The following NRXN3 variants were observed in gnomAD, a reference collection of about 807,000 sequenced individuals.
NRXN3 encodes the protein neurexin III.
In NRXN3, 32 loss-of-function variants were observed where a neutral mutation model predicts 137.6. The ratio of observed to expected loss-of-function variants is 0.23; its 90% confidence interval spans 0.18 to 0.31. The LOEUF is 0.31. NRXN3 is among the 10% of genes least tolerant of loss of function. The pLI, the probability that NRXN3 is intolerant of heterozygous loss-of-function variation, is 1.00. For synonymous variants in NRXN3, 798 were observed against 784.5 expected (o/e 1.02, Z -0.29); for missense variants, 1,574 against 2,062.5 (o/e 0.76, Z 4.59).
intron 1 of NRXN3, among the ~76,000 whole-genome samples, chr14:78,240,251 C>T (rs1327319221): frequency 2.6e-5 from 4 of 152,186 alleles, no homozygotes; most frequent in Non-Finnish European, 5.9e-5. Flanking sequence ...GGTAAAAGCA[C>T]TTGATAACAA....
intron 8 of NRXN3, among the ~76,000 whole-genome samples, chr14:78,726,400 T>C (rs1301113712): frequency 6.6e-6 from 1 of 151,988 alleles, no homozygotes; most frequent in Non-Finnish European, 1.5e-5. Flanking sequence ...CCATGTGTTC[T>C]CATTTTTCAA....
At chr14:79,068,338 C>A (rs566391303) in intron 15 of NRXN3, among the ~76,000 whole-genome samples, 1 of 152,076 alleles carries the variant, frequency 6.6e-6, no homozygotes, top group Non-Finnish European at 1.5e-5. Context: ...CAAATATATT[C>A]TTGAAAATAA....
chr14:79,470,943 AGAGAGAGAGTGTGTGTGTGTGT>A (rs1567214400), intron 16 of NRXN3, among the ~76,000 whole-genome samples: 7 of 89,102 alleles, frequency 7.9e-5, no homozygotes, highest in African/African-American at 3.2e-4. Flanking sequence ...AGAGAGAAAG[AGAGAGAGAGTGTGTGTGTGTGT>A]GTGTGTGTGT....
chr14:79,668,878 A>T (rs1187733107), intron 17 of NRXN3, among the ~76,000 whole-genome samples: 1 of 152,080 alleles, frequency 6.6e-6, no homozygotes, highest in Non-Finnish European at 1.5e-5. Context: ...TTTTGTTTAA[A>T]TGTTCATCAT....
intron 15 of NRXN3, among the ~76,000 whole-genome samples, chr14:79,020,842 C>T (rs1310096496): frequency 6.9e-6 from 1 of 145,216 alleles, no homozygotes; most frequent in African/African-American, 2.6e-5. Flanking sequence ...ATGAAATGCG[C>T]TCTGCCTGTG....
intron 15 of NRXN3, among the ~76,000 whole-genome samples, chr14:79,066,019 C>T (rs2134364): frequency 0.99 from 150,879 of 152,242 alleles, 74,786 homozygotes; most frequent in Middle Eastern, 1. Flanking sequence ...TTGTCAATTT[C>T]TGCTTTGGTT....
intron 20 of NRXN3, among the ~76,000 whole-genome samples, chr14:79,817,212 C>T (rs1226029023): frequency 3.3e-5 from 5 of 152,026 alleles, no homozygotes; most frequent in Non-Finnish European, 7.3e-5. Context: ...GCCACCATAC[C>T]CAGCTAATTT....
At chr14:78,470,795 A>C (rs73316480) in intron 4 of NRXN3, among the ~76,000 whole-genome samples, 9,577 of 152,228 alleles carry the variant, frequency 0.063, 932 homozygotes, top group African/African-American at 0.21. Context: ...AGCACTTTAC[A>C]GTATAAAAAA....
At chr14:78,407,011 G>A (rs949860887) in intron 4 of NRXN3, among the ~76,000 whole-genome samples, 3 of 152,180 alleles carry the variant, frequency 2.0e-5, no homozygotes, top group African/African-American at 7.2e-5. Flanking sequence ...CAGGGTACAA[G>A]GAGACAAAGA....
chr14:79,672,670 A>G (rs1452957091), intron 17 of NRXN3, among the ~76,000 whole-genome samples: 1 of 152,092 alleles, frequency 6.6e-6, no homozygotes, highest in Admixed American at 6.6e-5. Context: ...TAGTTAATAC[A>G]AATTCTGGCC....
chr14:78,733,463 A>G (rs2098526474), intron 8 of NRXN3, among the ~76,000 whole-genome samples: 1 of 152,212 alleles, frequency 6.6e-6, no homozygotes, highest in African/African-American at 2.4e-5. Flanking sequence ...TTTCTAAGGA[A>G]GAAATGCGAC....
chr14:78,594,338 AGATGGCAGGATCT>A (rs1448457323), intron 4 of NRXN3, among the ~76,000 whole-genome samples: 2 of 152,198 alleles, frequency 1.3e-5, no homozygotes, highest in African/African-American at 4.8e-5. Context: ...GGTAGAGATC[AGATGGCAGGATCT>A]GAGTTGTCAT....
At chr14:79,219,924 G>A (rs959471665) in intron 15 of NRXN3, among the ~76,000 whole-genome samples, 1 of 152,160 alleles carries the variant, frequency 6.6e-6, no homozygotes, top group Non-Finnish European at 1.5e-5. Context: ...ATACATTCAA[G>A]CAGCATTGGT....
intron 15 of NRXN3, among the ~76,000 whole-genome samples, chr14:79,093,872 C>T (rs528014403): frequency 9.3e-5 from 14 of 151,274 alleles, no homozygotes; most frequent in Non-Finnish European, 1.8e-4. Context: ...TCAGAACTGA[C>T]GAGTCATATA....
At chr14:79,441,279 C>T (rs976730812) in intron 15 of NRXN3, among the ~76,000 whole-genome samples, 3 of 142,942 alleles carry the variant, frequency 2.1e-5, no homozygotes, top group African/African-American at 5.2e-5. Context: ...TTGGCCTGGT[C>T]TTCATTTTCA....
chr14:78,731,341 TA>T (rs1037798083), intron 8 of NRXN3, among the ~76,000 whole-genome samples: 5 of 152,056 alleles, frequency 3.3e-5, no homozygotes, highest in African/African-American at 2.4e-5. Context: ...AATCTCCATT[TA>T]AAAAAATAAA....
intron 18 of NRXN3, among the ~76,000 whole-genome samples, chr14:79,697,125 A>G (rs1436752185): frequency 6.6e-6 from 1 of 152,038 alleles, no homozygotes; most frequent in Non-Finnish European, 1.5e-5. Flanking sequence ...CAAGTCTCTT[A>G]ACTGAAATTT....
intron 4 of NRXN3, among the ~76,000 whole-genome samples, chr14:78,347,528 C>G (rs2082916469): frequency 6.6e-6 from 1 of 152,150 alleles, no homozygotes; most frequent in African/African-American, 2.4e-5. Flanking sequence ...CCTTCATTCC[C>G]CTACCCATAT....
At chr14:79,168,203 A>G (rs1274614545) in intron 15 of NRXN3, among the ~76,000 whole-genome samples, 18 of 151,962 alleles carry the variant, frequency 1.2e-4, no homozygotes, top group Admixed American at 1.2e-3. Context: ...GGAAGAGAGC[A>G]AATCTATTGG....
Sources: gnomAD v4.1 joint callset for allele counts (sites outside exome capture counted in the v4.1 genomes callset) on GRCh38, gnomAD v4.1.1 for gene constraint, MANE v1.5 for transcripts, NCBI Gene and HGNC (gene_info 2026-07-23, HGNC 2026-07-21) for gene names.